Variants in HSPH1 observed in about 807,000 individuals in gnomAD.
HSPH1 encodes the protein heat shock protein 105 kDa.
HSPH1 carries 40 observed loss-of-function variants against 100.0 expected under a neutral mutation model. That is an observed-to-expected ratio of 0.40 (90% CI 0.31 to 0.52). The LOEUF (loss-of-function observed/expected upper bound fraction) is 0.52, where lower values mean the gene tolerates loss of function less well. Ranked by LOEUF, HSPH1 falls within the 20% of genes least tolerant of loss-of-function variation. HSPH1 has a pLI of 0.54. For synonymous variants in HSPH1, 403 were observed against 344.0 expected, an observed-to-expected ratio of 1.17 and a Z score of -1.90; for missense variants, 876 against 1,015.1, an observed-to-expected ratio of 0.86 and a Z score of 1.86.
intron 8 of HSPH1, among the ~76,000 whole-genome samples, chr13:31,148,772 C>G (rs1433605038): frequency 2.0e-5 from 3 of 151,992 alleles, no homozygotes; most frequent in Non-Finnish European, 4.4e-5. Flanking sequence ...CTAGAAATGC[C>G]TTGCTGATAG....
intron 6 of HSPH1, 147 bp downstream of exon 6, chr13:31,151,462 A>T: frequency 1.3e-6 from 1 of 753,648 alleles, no homozygotes; most frequent in Non-Finnish European, 2.1e-6. Flanking sequence ...TATGGAGCTC[A>T]ACCTTAGCAA....
rs952364239 is a variant in HSPH1 at position 31,135,843 on chromosome 13, T to A, written c.*1475A>T. 5.3e-5 allele frequency: 8 copies of A among 152,160 alleles called. No homozygotes were observed. The highest frequency in any genetic ancestry group is 1.2e-4 in the Non-Finnish European group (8 of 68,048). The allele number at this position is 152,160 out of a possible 1,614,324, so 9.4% of individuals were successfully genotyped here. A position where few individuals can be genotyped will look rare whatever the true frequency, so the allele number is the denominator to read the frequency against. ...AATAAATTGGCTATAGTTCTAAGAT[T>A]AATCCCTTGTGGAAGAGGGAAAGTT... On this transcript the variant is annotated 3_prime_UTR_variant, in exon 18 of 18. Transcript: ENST00000320027.
At chr13:31,155,455 G>A (rs1956649708) in intron 3 of HSPH1, 59 bp downstream of exon 3, 1 of 1,365,508 alleles carries the variant, frequency 7.3e-7, no homozygotes, top group South Asian at 1.3e-5. Flanking sequence ...ACTCAAATAA[G>A]TTCGTATTTT....
At position 31,155,496 on chromosome 13, in the gene HSPH1, G is replaced by T; in HGVS notation, c.306+18C>A. 2.5e-6 allele frequency: 4 copies of T among 1,582,416 alleles called. No individual in the cohort carries two copies. The highest frequency in any genetic ancestry group is 1.4e-5 in the African/African-American group (1 of 73,554). On this transcript the variant is annotated intron_variant, in intron 3 of 17. Transcript: ENST00000320027. ...ATTAATAAGTTGGTATTTTTCTAAGGTTGCTCAATTATATTACCTTTATTC... is the reference window on the plus strand; with the variant it reads ...ATTAATAAGTTGGTATTTTTCTAAGTTTGCTCAATTATATTACCTTTATTC...
intron 12 of HSPH1, among the ~76,000 whole-genome samples, chr13:31,142,974 G>C (rs1166935893): frequency 1.3e-5 from 2 of 151,978 alleles, no homozygotes; most frequent in African/African-American, 2.4e-5. Context: ...TCAATGAGGG[G>C]ACAGAAAAAT....
At position 31,161,800 on chromosome 13, in the gene HSPH1, T is replaced by A; in HGVS notation, c.-218A>T. On this transcript the variant is annotated 5_prime_UTR_variant, in exon 1 of 18. Transcript: ENST00000320027. ...GCGGCGGCTGGCTGATAAGAAACCC[T>A]GGGAGAAAGCGGGGCTCAGCCTCCG... 1 of 1,488,694 alleles carries A rather than the reference T, an allele frequency of 6.7e-7. No individual in the cohort carries two copies. Among genetic ancestry groups the A allele is most frequent in the Non-Finnish European group, 8.9e-7 (1 of 1,120,760 alleles). The allele number at this position is 1,488,694 out of a possible 1,614,324, so 92.2% of individuals were successfully genotyped here. A position where few individuals can be genotyped will look rare whatever the true frequency, so the allele number is the denominator to read the frequency against.
chr13:31,158,639 G>A (rs1479899175), intron 2 of HSPH1, among the ~76,000 whole-genome samples, 167 bp downstream of exon 2: 1 of 150,826 alleles, frequency 6.6e-6, no homozygotes, highest in Non-Finnish European at 1.5e-5. Context: ...GAACAGAAAG[G>A]AAAGAGTGTC....
intron 1 of HSPH1, among the ~76,000 whole-genome samples, chr13:31,161,213 C>A (rs978595408): frequency 6.6e-6 from 1 of 152,184 alleles, no homozygotes; most frequent in Admixed American, 6.5e-5. Context: ...GAAGCCCGCA[C>A]AAGGTGACGA....
At chr13:31,151,250 T>C in intron 6 of HSPH1, 59 bp from the exon 7 acceptor site, 1 of 1,338,302 alleles carries the variant, frequency 7.5e-7, no homozygotes, top group South Asian at 1.4e-5. Flanking sequence ...GTAACTAGAA[T>C]CTTAAATATT....
At chr13:31,148,295 A>C (rs1956343611) in intron 9 of HSPH1, 79 bp downstream of exon 9, 6 of 1,043,954 alleles carry the variant, frequency 5.7e-6, no homozygotes, top group Non-Finnish European at 8.7e-6. Context: ...GTCATTTGTT[A>C]ATGACTCTAC....
chr13:31,137,267 C>T lies in HSPH1; in HGVS notation c.*51G>A, dbSNP rs763333684. ...TCAGTATGTTATGTAGAGTCACATA[C>T]TATGGCAAAAATATTTTATTAATTG... On this transcript the variant is annotated 3_prime_UTR_variant, in exon 18 of 18. Transcript: ENST00000320027. 3 of 1,142,918 alleles carry T rather than the reference C, an allele frequency of 2.6e-6. No individual in the cohort carries two copies. The highest frequency in any genetic ancestry group is 3.9e-5 in the Admixed American group (2 of 50,926). The allele number at this position is 1,142,918 out of a possible 1,614,324, so 70.8% of individuals were successfully genotyped here.
rs768807420 is a variant in HSPH1, at chr13:31,145,424, G to A, written c.1584+139C>T. On this transcript the variant is annotated intron_variant, in intron 11 of 17. Transcript: ENST00000320027. ...TGTGTATTACCACTAACCGGCAAGC[G>A]CTATTATCATTACCTAAAATTCTGA... The A allele has an allele frequency of 2.0e-5, 13 of 652,138 alleles. 1 individual carries two copies. The highest frequency in any genetic ancestry group is 6.9e-4 in the Middle Eastern group (2 of 2,896). The allele number at this position is 652,138 out of a possible 1,614,324, so 40.4% of individuals were successfully genotyped here.
intron 4 of HSPH1, among the ~76,000 whole-genome samples, chr13:31,153,385 T>TA (rs779416090): frequency 6.6e-6 from 1 of 152,174 alleles, no homozygotes. Context: ...TACAGGAACT[T>TA]AAAGAGCTAA....
intron 14 of HSPH1, 74 bp downstream of exon 14, chr13:31,140,110 G>A (rs1181048171): frequency 2.9e-6 from 4 of 1,368,978 alleles, no homozygotes; most frequent in Non-Finnish European, 4.0e-6. Context: ...AAAAGCTTAA[G>A]CCTCAACTGT....
At chr13:31,150,714 T>C (rs1250851698) in intron 7 of HSPH1, among the ~76,000 whole-genome samples, 4 of 152,216 alleles carry the variant, frequency 2.6e-5, no homozygotes, top group African/African-American at 9.6e-5. Flanking sequence ...CCACGAAGAC[T>C]TGAGGGTAGT....
Position 31,137,216 on chromosome 13 carries a change from C to G in HSPH1, c.*102G>C. On this transcript the variant is annotated 3_prime_UTR_variant, in exon 18 of 18. Coordinates refer to ENST00000320027, the MANE Select transcript of HSPH1 (RefSeq NM_006644.4). Reference sequence around the variant, plus strand: ...TATAATACACAAAATTTCTAAATATCCTTAAAAAAGAAAATATAAATAGTT... The same window carrying G: ...TATAATACACAAAATTTCTAAATATGCTTAAAAAAGAAAATATAAATAGTT... 1.3e-6 allele frequency: 1 copy of G among 791,368 alleles called. No individual in the cohort carries two copies. The highest frequency in any genetic ancestry group is 2.1e-6 in the Non-Finnish European group (1 of 474,946). The allele number at this position is 791,368 out of a possible 1,614,324, so 49.0% of individuals were successfully genotyped here.
chr13:31,154,685 T>C lies in HSPH1; in HGVS notation c.377A>G (p.Lys126Arg). 1 of 1,614,066 alleles carries C rather than the reference T, an allele frequency of 6.2e-7. No individual in the cohort carries two copies. The highest frequency in any genetic ancestry group is 1.7e-4 in the Middle Eastern group (1 of 6,060). ...CTTGAGGCTGTTTTCAGCAGTTTCCTTCAGCTTAGTCAACAACATGGCTGT... is the reference window on the plus strand; with the variant it reads ...CTTGAGGCTGTTTTCAGCAGTTTCCCTCAGCTTAGTCAACAACATGGCTGT... ...QITAMLLTKL[K>R]ETAENSLKKP... Residue 126 changes from lysine (K) to arginine (R), a missense_variant, in exon 4 of 18, where the codon AAG becomes AGG. Physicochemically the swap from Lys to Arg is conservative, Grantham distance 26. Transcript: ENST00000320027.
At chr13:31,158,661 G>A in intron 2 of HSPH1, 145 bp downstream of exon 2, 1 of 577,286 alleles carries the variant, frequency 1.7e-6, no homozygotes, top group Non-Finnish European at 3.2e-6. Flanking sequence ...TCATCTGAAG[G>A]TTCATAAAGA....
At chr13:31,148,866 A>T (rs1472080885) in intron 8 of HSPH1, among the ~76,000 whole-genome samples, 1 of 152,076 alleles carries the variant, frequency 6.6e-6, no homozygotes, top group Non-Finnish European at 1.5e-5. Flanking sequence ...CAAATGTCTG[A>T]GAAACCCCCC....
Sources: gnomAD v4.1 joint callset for allele counts (sites outside exome capture counted in the v4.1 genomes callset) on GRCh38, gnomAD v4.1.1 for gene constraint, MANE v1.5 for transcripts, NCBI Gene and HGNC (gene_info 2026-07-23, HGNC 2026-07-21) for gene names.